Variants in SPAG16 observed in about 807,000 individuals in gnomAD.
SPAG16 encodes the protein sperm associated antigen 16.
Under a neutral mutation model 80.4 loss-of-function variants are expected in SPAG16, and 86 were observed. That is an observed-to-expected ratio of 1.07 (90% confidence interval 0.90 to 1.28). The LOEUF (loss-of-function observed/expected upper bound fraction) is 1.28. Ranked by LOEUF, SPAG16 falls within the 50% of genes most tolerant of loss-of-function variation. The pLI, the probability that SPAG16 is intolerant of heterozygous loss-of-function variation, is 0.00. For synonymous variants in SPAG16, 294 were observed against 265.9 expected, an observed-to-expected ratio of 1.11 and a Z score of -1.03; for missense variants, 870 against 765.3, an observed-to-expected ratio of 1.14 and a Z score of -1.61.
intron 15 of SPAG16, among the ~76,000 whole-genome samples, chr2:214,221,002 C>A (rs1380871876): frequency 6.6e-6 from 1 of 152,102 alleles, no homozygotes; most frequent in South Asian, 2.1e-4. Flanking sequence ...GTTATGAGGG[C>A]CAATGTATTC....
At chr2:213,795,387 C>T (rs1408169164) in intron 10 of SPAG16, among the ~76,000 whole-genome samples, 1 of 152,198 alleles carries the variant, frequency 6.6e-6, no homozygotes, top group Non-Finnish European at 1.5e-5. Context: ...GTCATTTCTA[C>T]ACTTTTATGT....
chr2:214,113,431 A>G (rs1386488145), intron 14 of SPAG16, among the ~76,000 whole-genome samples: 1 of 151,760 alleles, frequency 6.6e-6, no homozygotes, highest in African/African-American at 2.4e-5. Context: ...ACTTGGTTCC[A>G]TTTTCCCCGT....
rs77198722 is a variant in SPAG16 at position 214,302,437 on chromosome 2, G to C, written c.1721-107703G>C. Among the ~76,000 whole-genome samples, 963 of 152,200 alleles carry C rather than the reference G, an allele frequency of 6.3e-3. 6 individuals carry two copies. The highest frequency in any genetic ancestry group is 0.022 in the African/African-American group (902 of 41,546). ...TATTTATTATTGTATTGCTGCCAGTGTCTTTTTGTAGGGCTAGTGTAATAG... is the reference window on the plus strand; with the variant it reads ...TATTTATTATTGTATTGCTGCCAGTCTCTTTTTGTAGGGCTAGTGTAATAG... On this transcript the variant is annotated intron_variant, in intron 15 of 15. Transcript: ENST00000331683.
Position 213,768,020 on chromosome 2 carries a change from A to T in SPAG16, c.1071-94465A>T, listed in dbSNP as rs541043021. ...GAACAGCTCTTAACTCAGTTTGGCA[A>T]TGGTGGGTAAGTTTGACTGCTTTTT... On this transcript the variant is annotated intron_variant, in intron 10 of 15. Coordinates refer to ENST00000331683, the MANE Select transcript of SPAG16 (RefSeq NM_024532.5). Among the ~76,000 whole-genome samples the T allele has an allele frequency of 2.0e-5, 3 of 152,314 alleles. No homozygotes were observed. The East Asian group carries it at 5.8e-4, about 29-fold the overall frequency.
At chr2:213,562,149 G>T (rs1220700675) in intron 10 of SPAG16, among the ~76,000 whole-genome samples, 2 of 152,136 alleles carry the variant, frequency 1.3e-5, no homozygotes, top group Non-Finnish European at 2.9e-5. Context: ...GCAAATAGAA[G>T]ACATTTTACC....
chr2:214,017,612 A>G (rs577587607), intron 13 of SPAG16, among the ~76,000 whole-genome samples: 1 of 152,128 alleles, frequency 6.6e-6, no homozygotes, highest in Non-Finnish European at 1.5e-5. Flanking sequence ...CTGTTTATTG[A>G]TGGTGACCTT....
intron 13 of SPAG16, among the ~76,000 whole-genome samples, chr2:214,099,407 A>G (rs982061454): frequency 1.2e-4 from 19 of 152,148 alleles, no homozygotes; most frequent in Non-Finnish European, 2.5e-4. Context: ...AGAGATGAAA[A>G]GAATTGCTAT....
chr2:214,013,944 T>C lies in SPAG16; in HGVS notation c.1401-7T>C. 1 of 1,612,518 alleles carries C rather than the reference T, an allele frequency of 6.2e-7. No individual in the cohort carries two copies. The highest frequency in any genetic ancestry group is 8.5e-7 in the Non-Finnish European group (1 of 1,179,126). On this transcript the variant is annotated splice_region_variant and splice_polypyrimidine_tract_variant and intron_variant, in intron 12 of 15. Coordinates refer to ENST00000331683, the MANE Select transcript of SPAG16 (RefSeq NM_024532.5). Reference sequence around the variant, plus strand: ...ACTCCTAAAATTCTTAATTTCTCTCTTTATAGTGAAAGATGCAGATGTACT... The same window carrying C: ...ACTCCTAAAATTCTTAATTTCTCTCCTTATAGTGAAAGATGCAGATGTACT...
At chr2:213,525,056 G>T (rs902373584) in intron 10 of SPAG16, among the ~76,000 whole-genome samples, 1 of 152,010 alleles carries the variant, frequency 6.6e-6, no homozygotes, top group Non-Finnish European at 1.5e-5. Flanking sequence ...GGAGGTAATT[G>T]AATCATGAGA....
chr2:213,564,963 T>A (rs1202311754), intron 10 of SPAG16, among the ~76,000 whole-genome samples: 1 of 152,180 alleles, frequency 6.6e-6, no homozygotes, highest in Non-Finnish European at 1.5e-5. Flanking sequence ...ATCACAAAAA[T>A]GAATTTTATC....
chr2:214,206,287 T>G (rs1467272484), intron 15 of SPAG16, among the ~76,000 whole-genome samples: 1 of 152,182 alleles, frequency 6.6e-6, no homozygotes, highest in Non-Finnish European at 1.5e-5. Context: ...CTCCCACTCT[T>G]TCTCCCAGCT....
intron 9 of SPAG16, among the ~76,000 whole-genome samples, chr2:213,379,876 A>G (rs1296648411): frequency 6.6e-6 from 1 of 152,168 alleles, no homozygotes; most frequent in Non-Finnish European, 1.5e-5. Flanking sequence ...TCATGGGCCC[A>G]TTGGTGATGA....
At chr2:214,224,641 T>C (rs2058658871) in intron 15 of SPAG16, among the ~76,000 whole-genome samples, 1 of 152,144 alleles carries the variant, frequency 6.6e-6, no homozygotes, top group Admixed American at 6.5e-5. Context: ...TGTGTTTGCT[T>C]TGTTGTTGGA....
chr2:213,834,592 A>T (rs1003264400), intron 10 of SPAG16, among the ~76,000 whole-genome samples: 3 of 152,068 alleles, frequency 2.0e-5, no homozygotes, highest in African/African-American at 7.2e-5. Context: ...TCTAGGTTTT[A>T]TGGCTTGCTT....
intron 10 of SPAG16, among the ~76,000 whole-genome samples, chr2:213,535,059 A>G (rs1304962662): frequency 6.6e-6 from 1 of 152,130 alleles, no homozygotes; most frequent in Non-Finnish European, 1.5e-5. Flanking sequence ...TTGAATTTCT[A>G]CTTTCCAGAT....
At chr2:214,393,959 G>C (rs1375779819) in intron 15 of SPAG16, among the ~76,000 whole-genome samples, 1 of 152,192 alleles carries the variant, frequency 6.6e-6, no homozygotes, top group African/African-American at 2.4e-5. Flanking sequence ...TCAATGTGAA[G>C]CAGATGGTGG....
intron 13 of SPAG16, among the ~76,000 whole-genome samples, chr2:214,023,407 TAA>T (rs10709319): frequency 2.0e-5 from 3 of 149,492 alleles, no homozygotes; most frequent in African/African-American, 2.5e-5. Context: ...AGGCATTCAT[TAA>T]AAAAAAAAGA....
At chr2:213,829,196 AT>A (rs2073478972) in intron 10 of SPAG16, among the ~76,000 whole-genome samples, 1 of 152,008 alleles carries the variant, frequency 6.6e-6, no homozygotes, top group African/African-American at 2.4e-5. Flanking sequence ...AACCTTAGAA[AT>A]TTCCCTGAAA....
At chr2:213,359,043 A>G (rs950564552) in intron 7 of SPAG16, among the ~76,000 whole-genome samples, 44 of 152,174 alleles carry the variant, frequency 2.9e-4, no homozygotes, top group Non-Finnish European at 5.9e-5. Flanking sequence ...GGTTTGCTGG[A>G]GGTCCACTCC....
Sources: allele counts gnomAD v4.1 joint callset (sites outside exome capture counted in the v4.1 genomes callset), GRCh38; gene constraint gnomAD v4.1.1; transcripts MANE v1.5; gene names NCBI Gene and HGNC (gene_info 2026-07-23, HGNC 2026-07-21).